Variants in RALGAPA1 observed in about 807,000 individuals in gnomAD.
RALGAPA1 encodes ral GTPase-activating protein subunit alpha-1.
RALGAPA1 carries 52 observed loss-of-function variants against 269.6 expected under a neutral mutation model. The ratio of observed to expected loss-of-function variants is 0.19; its 90% CI spans 0.15 to 0.24. The LOEUF (loss-of-function observed/expected upper bound fraction) is 0.24, where lower values mean the gene tolerates loss of function less well. Ranked by LOEUF, RALGAPA1 falls within the 10% of genes least tolerant of loss-of-function variation. The probability of loss-of-function intolerance (pLI) is 1.00; values close to 1 mark genes in which losing one functional copy is unlikely to be tolerated. For synonymous variants in RALGAPA1, 817 were observed against 1,008.3 expected, an observed-to-expected ratio of 0.81 and a Z score of 3.60; for missense variants, 1,917 against 3,013.9, an observed-to-expected ratio of 0.64 and a Z score of 8.52.
chr14:35,805,463 CAAACATA>C, intron 1 of RALGAPA1, among the ~76,000 whole-genome samples: 1 of 147,718 alleles, frequency 6.8e-6, no homozygotes, highest in Admixed American at 6.8e-5. Flanking sequence ...AAAAAGAAAT[CAAACATA>C]AAATGACCGT....
intron 19 of RALGAPA1, 22 bp downstream of exon 19, chr14:35,686,520 A>G (rs2065950551): frequency 6.3e-7 from 1 of 1,583,630 alleles, no homozygotes; most frequent in Admixed American, 1.8e-5. Context: ...CTATAAAACC[A>G]AATATATAAA....
chr14:35,677,923 G>C, intron 22 of RALGAPA1, 27 bp downstream of exon 22: 2 of 1,606,574 alleles, frequency 1.2e-6, no homozygotes, highest in Non-Finnish European at 1.7e-6. Flanking sequence ...AAAGAAAAAA[G>C]GTAAATATCT....
At chr14:35,683,220 ACT>A (rs2065617543) in intron 21 of RALGAPA1, among the ~76,000 whole-genome samples, 1 of 152,048 alleles carries the variant, frequency 6.6e-6, no homozygotes, top group Non-Finnish European at 1.5e-5. Flanking sequence ...CAATAATGTG[ACT>A]CTGCATTTAA....
intron 1 of RALGAPA1, among the ~76,000 whole-genome samples, chr14:35,796,850 G>A (rs1010737333): frequency 2.6e-5 from 4 of 151,576 alleles, no homozygotes; most frequent in Non-Finnish European, 5.9e-5. Context: ...GCACGATCTC[G>A]GATCTTGGCT....
intron 16 of RALGAPA1, among the ~76,000 whole-genome samples, 197 bp downstream of exon 16, chr14:35,721,491 A>C (rs181312197): frequency 6.6e-6 from 1 of 152,340 alleles, no homozygotes; most frequent in Non-Finnish European, 1.5e-5. Flanking sequence ...ATAATGTCCA[A>C]TAAATCTTAA....
At chr14:35,550,609 A>C (rs1181832128) in intron 39 of RALGAPA1, among the ~76,000 whole-genome samples, 2 of 152,058 alleles carry the variant, frequency 1.3e-5, no homozygotes, top group Non-Finnish European at 2.9e-5. Flanking sequence ...TAAGAAGAGA[A>C]AAAAAAAGTA....
intron 31 of RALGAPA1, among the ~76,000 whole-genome samples, chr14:35,645,393 A>C (rs112222095): frequency 4.0e-5 from 4 of 100,880 alleles, no homozygotes; most frequent in African/African-American, 1.8e-4. Context: ...GTGTGTGTAT[A>C]TGTTATGTAT....
intron 20 of RALGAPA1, among the ~76,000 whole-genome samples, chr14:35,684,303 T>C (rs1210590329): frequency 6.6e-6 from 1 of 152,242 alleles, no homozygotes; most frequent in Non-Finnish European, 1.5e-5. Context: ...TATAGAATTA[T>C]AGCTGAATAA....
At chr14:35,560,661 C>T (rs1455256672) in intron 39 of RALGAPA1, among the ~76,000 whole-genome samples, 1 of 152,096 alleles carries the variant, frequency 6.6e-6, no homozygotes, top group East Asian at 1.9e-4. Flanking sequence ...AGAATTAAAA[C>T]AATGTTAACA....
chr14:35,550,019 G>C (rs2139110423), intron 39 of RALGAPA1, among the ~76,000 whole-genome samples: 1 of 152,262 alleles, frequency 6.6e-6, no homozygotes, highest in East Asian at 1.9e-4. Context: ...TGATATTATT[G>C]ACAAGCAACC....
At chr14:35,789,871 C>A (rs1595562617) in intron 1 of RALGAPA1, among the ~76,000 whole-genome samples, 1 of 152,176 alleles carries the variant, frequency 6.6e-6, no homozygotes, top group African/African-American at 2.4e-5. Context: ...AGTGAAGCCA[C>A]AAATTCCATT....
intron 16 of RALGAPA1, among the ~76,000 whole-genome samples, chr14:35,719,542 C>T (rs2069174987): frequency 1.3e-5 from 2 of 152,126 alleles, no homozygotes; most frequent in Admixed American, 6.5e-5. Context: ...TTACTCATTA[C>T]ATGCTATGTA....
chr14:35,789,183 G>C (rs2075990320), intron 1 of RALGAPA1, among the ~76,000 whole-genome samples: 1 of 151,964 alleles, frequency 6.6e-6, no homozygotes, highest in Admixed American at 6.6e-5. Flanking sequence ...TTTTAAAGAA[G>C]ACTAGAAGCT....
intron 1 of RALGAPA1, among the ~76,000 whole-genome samples, chr14:35,795,399 A>T (rs896401680): frequency 3.9e-5 from 6 of 152,172 alleles, no homozygotes; most frequent in Non-Finnish European, 8.8e-5. Context: ...TATACTTATG[A>T]GGAAACTACC....
chr14:35,558,047 A>T (rs1295397206), intron 39 of RALGAPA1, among the ~76,000 whole-genome samples: 1 of 152,162 alleles, frequency 6.6e-6, no homozygotes, highest in East Asian at 1.9e-4. Context: ...AAGCTGACCA[A>T]GAAAACAGAA....
At chr14:35,599,157 T>C (rs2059117457) in intron 36 of RALGAPA1, among the ~76,000 whole-genome samples, 4 of 152,242 alleles carry the variant, frequency 2.6e-5, no homozygotes. Flanking sequence ...TTCCTCTACA[T>C]ATATTTGAAA....
intron 1 of RALGAPA1, among the ~76,000 whole-genome samples, chr14:35,806,402 T>C (rs1595628480): frequency 6.6e-6 from 1 of 152,172 alleles, no homozygotes; most frequent in African/African-American, 2.4e-5. Flanking sequence ...CAAGGCTTTT[T>C]TTTCTGTTTT....
chr14:35,624,661 AAAG>A (rs1203700902), intron 35 of RALGAPA1, among the ~76,000 whole-genome samples: 1 of 152,168 alleles, frequency 6.6e-6, no homozygotes, highest in Non-Finnish European at 1.5e-5. Context: ...CAGAAATTTT[AAAG>A]AAGAGAGGAA....
intron 1 of RALGAPA1, among the ~76,000 whole-genome samples, chr14:35,778,541 T>C (rs949894230): frequency 2.6e-5 from 4 of 152,248 alleles, no homozygotes; most frequent in African/African-American, 9.6e-5. Flanking sequence ...ATCTTTAGAA[T>C]AGAAACTGTG....
Sources: gnomAD v4.1 joint callset for allele counts (sites outside exome capture counted in the v4.1 genomes callset) on GRCh38, gnomAD v4.1.1 for gene constraint, MANE v1.5 for transcripts, NCBI Gene and HGNC (gene_info 2026-07-23, HGNC 2026-07-21) for gene names.